Variants in RSPRY1 observed in about 807,000 individuals in gnomAD.
The protein encoded by RSPRY1 is ring finger and SPRY domain containing 1.
Under a neutral mutation model 73.1 loss-of-function variants are expected in RSPRY1, and 23 were observed. That is an observed-to-expected ratio of 0.31 (90% CI 0.23 to 0.45). The LOEUF (loss-of-function observed/expected upper bound fraction) is 0.45. Among genes scored for constraint, RSPRY1 ranks in the 20% least tolerant of loss-of-function variants. RSPRY1 has a pLI of 1.00. For missense variants in RSPRY1, 448 were observed against 698.7 expected, an observed-to-expected ratio of 0.64 and a Z score of 4.05; for synonymous variants, 226 against 251.4, an observed-to-expected ratio of 0.90 and a Z score of 0.95.
chr16:57,195,340 C>T (rs1165402614), intron 1 of RSPRY1, among the ~76,000 whole-genome samples: 1 of 151,820 alleles, frequency 6.6e-6, no homozygotes, highest in Admixed American at 6.6e-5. Flanking sequence ...GGTGAAACCC[C>T]ATCTCTACTA....
intron 11 of RSPRY1, 73 bp from the exon 12 acceptor site, chr16:57,230,638 C>T: frequency 1.2e-6 from 1 of 829,214 alleles, no homozygotes; most frequent in East Asian, 2.5e-5. Context: ...GCCATTGAAA[C>T]ACTTGAGATG....
At chr16:57,200,579 G>A (rs1293116833) in intron 1 of RSPRY1, among the ~76,000 whole-genome samples, 3 of 149,594 alleles carry the variant, frequency 2.0e-5, no homozygotes, top group Admixed American at 2.0e-4. Flanking sequence ...TGGCCGGGCA[G>A]AGGGGCTCCT....
intron 1 of RSPRY1, among the ~76,000 whole-genome samples, chr16:57,196,032 A>ATATATAT (rs1555499000): frequency 4.1e-5 from 2 of 49,032 alleles, no homozygotes; most frequent in South Asian, 5.4e-4. Context: ...AAAAAAAAAA[A>ATATATAT]AAATATATAT....
intron 6 of RSPRY1, among the ~76,000 whole-genome samples, chr16:57,215,501 G>A (rs2074923518): frequency 6.6e-6 from 1 of 152,096 alleles, no homozygotes; most frequent in African/African-American, 2.4e-5. Context: ...ATGAGAAGGT[G>A]TCATGTTCAA....
At chr16:57,189,927 G>A (rs1464608084) in intron 1 of RSPRY1, among the ~76,000 whole-genome samples, 1 of 151,998 alleles carries the variant, frequency 6.6e-6, no homozygotes, top group Admixed American at 6.5e-5. Flanking sequence ...AATTGTATAT[G>A]CTTTCCTTAA....
intron 1 of RSPRY1, among the ~76,000 whole-genome samples, chr16:57,201,768 C>T (rs1480934246): frequency 6.6e-6 from 1 of 152,220 alleles, no homozygotes; most frequent in African/African-American, 2.4e-5. Flanking sequence ...ACCAGCCCGG[C>T]CAACACAGCG....
intron 6 of RSPRY1, 52 bp downstream of exon 6, chr16:57,213,998 A>C: frequency 8.3e-7 from 1 of 1,208,886 alleles, no homozygotes; most frequent in Non-Finnish European, 1.2e-6. Context: ...AGTGGGCATC[A>C]TCTAGAACTG....
intron 10 of RSPRY1, among the ~76,000 whole-genome samples, chr16:57,225,365 AT>A (rs2075104873): frequency 6.6e-6 from 1 of 152,200 alleles, no homozygotes; most frequent in Non-Finnish European, 1.5e-5. Context: ...TGGGTGGTGA[AT>A]TTCTAAGGCA....
chr16:57,220,484 G>C (rs972968499), intron 8 of RSPRY1: 1 of 242,222 alleles, frequency 4.1e-6, no homozygotes, highest in Non-Finnish European at 8.1e-6. Flanking sequence ...ATTGATTTTT[G>C]TCTGTTAATT....
At chr16:57,210,869 T>G (rs1291367594) in intron 4 of RSPRY1, among the ~76,000 whole-genome samples, 1 of 149,940 alleles carries the variant, frequency 6.7e-6, no homozygotes, top group African/African-American at 2.5e-5. Context: ...AATCCAAAAG[T>G]TAACAGGGTA....
chr16:57,229,930 C>CT (rs2075184776), intron 11 of RSPRY1, among the ~76,000 whole-genome samples: 1 of 148,320 alleles, frequency 6.7e-6, no homozygotes, highest in Non-Finnish European at 1.5e-5. Context: ...TGGTCTCAAA[C>CT]TGACCTCAAG....
chr16:57,192,016 T>C (rs1298685571), intron 1 of RSPRY1, among the ~76,000 whole-genome samples: 4 of 152,212 alleles, frequency 2.6e-5, no homozygotes, highest in Non-Finnish European at 4.4e-5. Flanking sequence ...TATATAGTTA[T>C]TGAATGGTGT....
intron 7 of RSPRY1, chr16:57,216,392 C>A (rs928245246): frequency 1.0e-4 from 50 of 489,248 alleles, no homozygotes; most frequent in African/African-American, 8.0e-4. Context: ...TGTTTACTCA[C>A]TTTTTATAGC....
At position 57,239,787 on chromosome 16, in the gene RSPRY1, AC is replaced by A. The variant is rs2075352546; in HGVS notation, c.*814del. Reference sequence around the variant, plus strand: ...TTGGTATTTAGGGTATTTTCAAGGTACCATCAAATCAGATTTCTGTTTTTTT... The same window carrying A: ...TTGGTATTTAGGGTATTTTCAAGGTACATCAAATCAGATTTCTGTTTTTTT... On this transcript the variant is annotated 3_prime_UTR_variant, in exon 15 of 15. Coordinates refer to ENST00000394420, the MANE Select transcript of RSPRY1 (RefSeq NM_133368.3). The A allele has an allele frequency of 6.6e-6, 1 of 152,146 alleles. No individual in the cohort carries two copies. Among genetic ancestry groups the A allele is most frequent in the South Asian group, 2.1e-4 (1 of 4,830 alleles). The allele number at this position is 152,146 out of a possible 1,614,324, so 9.4% of individuals were successfully genotyped here.
intron 13 of RSPRY1, 101 bp from the exon 14 acceptor site, chr16:57,235,023 A>G (rs1208522298): frequency 4.0e-6 from 3 of 751,758 alleles, no homozygotes; most frequent in Admixed American, 4.7e-5. Context: ...TTTAAGGAAT[A>G]TATGTCACAG....
chr16:57,237,592 C>G (rs569323608), intron 14 of RSPRY1, among the ~76,000 whole-genome samples: 16 of 152,146 alleles, frequency 1.1e-4, no homozygotes, highest in African/African-American at 3.4e-4. Context: ...AATGAATGGA[C>G]TAAAACAATA....
At chr16:57,219,895 A>G (rs1435271496) in intron 8 of RSPRY1, 1 of 152,214 alleles carries the variant, frequency 6.6e-6, no homozygotes, top group Non-Finnish European at 1.5e-5. Context: ...TTTTTCCAGC[A>G]CCATTTATTG....
In RSPRY1 at chr16:57,197,531, T is replaced by C. The variant is rs948974416; in HGVS notation, c.-155-6973T>C. On this transcript the variant is annotated intron_variant, in intron 1 of 14. Transcript: ENST00000394420. ...AAAAAAAAAAAGTCTGGCTTTAAAG[T>C]ATTTACAGTTTTTTTAAAAGCCTCA... Among the ~76,000 whole-genome samples the C allele has an allele frequency of 2.0e-5, 3 of 152,208 alleles. No homozygotes were observed. In the East Asian group the frequency reaches 5.8e-4, roughly 29 times the overall value.
At chr16:57,223,038 A>C (rs1463945605) in intron 10 of RSPRY1, among the ~76,000 whole-genome samples, 1 of 152,198 alleles carries the variant, frequency 6.6e-6, no homozygotes, top group Non-Finnish European at 1.5e-5. Flanking sequence ...TGGTTTCTTT[A>C]AAAACAAACA....
Sources: gnomAD v4.1 joint callset for allele counts (sites outside exome capture counted in the v4.1 genomes callset) on GRCh38, gnomAD v4.1.1 for gene constraint, MANE v1.5 for transcripts, NCBI Gene and HGNC (gene_info 2026-07-23, HGNC 2026-07-21) for gene names.